MIA2: variants seen among roughly 807,000 people sequenced by gnomAD.
MIA2 encodes melanoma inhibitory activity protein 2.
In MIA2, 127 loss-of-function variants were observed where a neutral mutation model predicts 167.8. The observed-to-expected ratio is 0.76, with a 90% CI of 0.66 to 0.88. The LOEUF (loss-of-function observed/expected upper bound fraction) is 0.88, where lower values mean the gene tolerates loss of function less well. Ranked by LOEUF, MIA2 falls within the 40% of genes least tolerant of loss-of-function variation. MIA2 has a pLI of 0.00. For missense variants in MIA2, 1,690 were observed against 1,624.7 expected (o/e 1.04, Z -0.69); for synonymous variants, 552 against 541.9 (o/e 1.02, Z -0.26).
intron 3 of MIA2, among the ~76,000 whole-genome samples, chr14:39,246,554 C>T (rs182107600): frequency 1.3e-5 from 2 of 152,226 alleles, no homozygotes; most frequent in Admixed American, 1.3e-4. Context: ...TCTATCTTCA[C>T]AATTTTTAAA....
intron 23 of MIA2, among the ~76,000 whole-genome samples, chr14:39,368,478 G>A (rs2074867840): frequency 6.6e-6 from 1 of 152,140 alleles, no homozygotes; most frequent in Non-Finnish European, 1.5e-5. Context: ...GCGTGCTGAA[G>A]GCTAAAGAGC....
At chr14:39,304,404 T>C (rs942466826) in intron 17 of MIA2, 23 bp downstream of exon 17, 8 of 1,294,734 alleles carry the variant, frequency 6.2e-6, no homozygotes, top group African/African-American at 1.5e-5. Flanking sequence ...CATACATACT[T>C]TTAATGTTTT....
In MIA2 at chr14:39,300,842, C is replaced by A. The variant is rs564621426; in HGVS notation, c.2619+856C>A. ...AAAAAATAGTATAAAGAAAGTGATA[C>A]ATTTATGCCAGTTATGTTGCTACTA... On this transcript the variant is annotated intron_variant, in intron 14 of 28. Transcript: ENST00000640607. Among the ~76,000 whole-genome samples, 4 of 151,972 alleles carry A rather than the reference C, an allele frequency of 2.6e-5. 1 individual carries two copies. The East Asian group carries it at 7.7e-4, about 29-fold the overall frequency.
downstream of MIA2, among the ~76,000 whole-genome samples, chr14:39,355,178 C>T (rs1298573985): frequency 2.0e-5 from 3 of 150,988 alleles, no homozygotes; most frequent in Admixed American, 6.6e-5. Flanking sequence ...ATTGATTCTT[C>T]CTACCCATGA....
intron 6 of MIA2, among the ~76,000 whole-genome samples, chr14:39,271,624 C>T (rs1389729642): frequency 6.6e-6 from 1 of 151,996 alleles, no homozygotes; most frequent in Non-Finnish European, 1.5e-5. Context: ...GAGTATTGCT[C>T]TCTTAATAAT....
intron 21 of MIA2, 110 bp downstream of exon 21, chr14:39,315,828 G>C (rs954845959): frequency 3.5e-5 from 25 of 722,470 alleles, no homozygotes; most frequent in Non-Finnish European, 5.0e-5. Context: ...TAAAAAATCA[G>C]TTTCTTTTAA....
intron 23 of MIA2, among the ~76,000 whole-genome samples, chr14:39,356,805 A>G (rs1174735025): frequency 6.6e-6 from 1 of 152,118 alleles, no homozygotes. Context: ...TTATTTCGTT[A>G]TGTACCCAGT....
downstream of MIA2, among the ~76,000 whole-genome samples, chr14:39,354,585 T>C (rs950322311): frequency 2.0e-5 from 3 of 152,214 alleles, no homozygotes; most frequent in African/African-American, 7.2e-5. Flanking sequence ...TTTGGCAATT[T>C]TGGCTTTTGT....
chr14:39,258,103 T>C (rs1260171802), intron 6 of MIA2, among the ~76,000 whole-genome samples: 1 of 152,212 alleles, frequency 6.6e-6, no homozygotes, highest in Non-Finnish European at 1.5e-5. Context: ...TGGTGTTCTC[T>C]GTATTTCTTG....
intron 12 of MIA2, 105 bp from the exon 13 acceptor site, chr14:39,294,820 G>A (rs2061200251): frequency 5.3e-6 from 4 of 750,840 alleles, no homozygotes; most frequent in East Asian, 2.5e-5. Flanking sequence ...GTTAATATTG[G>A]CATGGTTTTG....
At chr14:39,266,526 A>T (rs2055668434) in intron 6 of MIA2, 1 of 985,416 alleles carries the variant, frequency 1.0e-6, no homozygotes, top group African/African-American at 1.7e-5. Flanking sequence ...CAGGTGACTC[A>T]GGTAAGCGAG....
rs745990943 is a variant in MIA2 at position 39,314,704 on chromosome 14, A to G, written c.3120-35A>G. ...AGTATGTTCTGTCATTTCATGTTAT[A>G]TGTTAATAGTAGAATAATTATTCGT... On this transcript the variant is annotated intron_variant, in intron 19 of 28. Transcript: ENST00000640607. 8.8e-6 allele frequency: 13 copies of G among 1,485,024 alleles called. No homozygotes were observed. The Admixed American group carries it at 2.0e-4, about 23-fold the overall frequency. The allele number at this position is 1,485,024 out of a possible 1,614,324, so 92.0% of individuals were successfully genotyped here.
At chr14:39,321,205 C>G (rs2066364317) in intron 24 of MIA2, 149 bp downstream of exon 24, 1 of 699,010 alleles carries the variant, frequency 1.4e-6, no homozygotes, top group South Asian at 2.2e-5. Flanking sequence ...GGAAAAGGAG[C>G]TCTATGACAT....
At chr14:39,250,468 G>C (rs8006319) in intron 4 of MIA2, among the ~76,000 whole-genome samples, 71,894 of 151,584 alleles carry the variant, frequency 0.47, 17,792 homozygotes, top group East Asian at 0.65. Context: ...GGCCGAGGCA[G>C]GCAGATTACT....
At chr14:39,234,764 A>C (rs2053656537) in intron 1 of MIA2, among the ~76,000 whole-genome samples, 1 of 152,080 alleles carries the variant, frequency 6.6e-6, no homozygotes, top group Non-Finnish European at 1.5e-5. Context: ...GTTATTTATT[A>C]TGTAAAAATA....
In MIA2 at chr14:39,364,446, G is replaced by T. The variant is rs1281188498; in HGVS notation, c.2248+15469G>T. ...ATTGTGGTTTGTTGGTTTTTTTTTT[G>T]TTTTGTTTTTTTTTGTAGTGGTAAC... is the stretch of plus-strand genomic sequence containing the variant. On this transcript the variant is annotated intron_variant, in intron 23 of 23. Coordinates refer to the MIA2 transcript ENST00000341502. 1.5e-3 allele frequency among the ~76,000 whole-genome samples: 214 copies of T among 146,644 alleles called. 1 individual carries two copies. The highest frequency in any genetic ancestry group is 4.5e-3 in the African/African-American group (181 of 40,130).
At position 39,293,634 on chromosome 14, in the gene MIA2, A is replaced by G. The variant is rs116462495; in HGVS notation, c.2319+253A>G. ...AGCTCATGTAAATAAAAACTGAATA[A>G]TCATGTCCATAGTGTATATTTGTAA... On this transcript the variant is annotated intron_variant, in intron 11 of 28. Transcript: ENST00000640607. 4.2e-3 allele frequency among the ~76,000 whole-genome samples: 643 copies of G among 152,306 alleles called. 4 individuals are homozygous for G. Among genetic ancestry groups the G allele is most frequent in the African/African-American group, 0.015 (617 of 41,570 alleles).
chr14:39,250,328 G>A (rs1023952684), intron 4 of MIA2, among the ~76,000 whole-genome samples: 2 of 152,172 alleles, frequency 1.3e-5, no homozygotes, highest in Non-Finnish European at 2.9e-5. Context: ...AGCTACTTGG[G>A]AGGCTGAGGT....
chr14:39,266,918 C>G (rs1594773399), intron 6 of MIA2: 1 of 652,616 alleles, frequency 1.5e-6, no homozygotes, highest in Non-Finnish European at 1.9e-6. Context: ...GAGGCGGGTG[C>G]CCTTGGGACA....
Sources: allele counts gnomAD v4.1 joint callset (sites outside exome capture counted in the v4.1 genomes callset), GRCh38; gene constraint gnomAD v4.1.1; transcripts MANE v1.5; gene names NCBI Gene and HGNC (gene_info 2026-07-23, HGNC 2026-07-21).